The following PCDH19 variants were observed in gnomAD, a reference collection of about 807,000 sequenced individuals.
PCDH19 encodes protocadherin-19.
Under a neutral mutation model 46.2 loss-of-function variants are expected in PCDH19, and 6 were observed. That is an observed-to-expected ratio of 0.13 (90% CI 0.07 to 0.26). The LOEUF (loss-of-function observed/expected upper bound fraction) is 0.26, where lower values mean the gene tolerates loss of function less well. Ranked by LOEUF, PCDH19 falls within the 10% of genes least tolerant of loss-of-function variation. The pLI is 1.00. For synonymous variants in PCDH19, 481 were observed against 415.7 expected, an observed-to-expected ratio of 1.16 and a Z score of -1.91; for missense variants, 740 against 972.3, an observed-to-expected ratio of 0.76 and a Z score of 3.18.
At chrX:100,331,779 A>C (rs1925878485) in intron 5 of PCDH19, among the ~76,000 whole-genome samples, 1 of 111,569 alleles carries the variant, frequency 9.0e-6, no homozygotes. Context: ...CTTTGTGAAG[A>C]AAGTACCTGC....
Position 100,292,483 on chromosome X carries a change from CACA to C in PCDH19, c.*3791_*3793del, listed in dbSNP as rs1238190240. ...CCTATTTGAAATTAATTCACTTTTG[CACA>C]ACAAGTGACCCACAAGCCAATTCCA... is the stretch of plus-strand genomic sequence containing the variant. On this transcript the variant is annotated 3_prime_UTR_variant, in exon 6 of 6. Transcript: ENST00000373034. 3 of 112,374 alleles carry C rather than the reference CACA, an allele frequency of 2.7e-5. No homozygotes were observed. The highest frequency in any genetic ancestry group is 6.5e-5 in the African/African-American group (2 of 30,898). The allele number at this position is 112,374 out of a possible 1,213,427, so 9.3% of individuals were successfully genotyped here. A position where few individuals can be genotyped will look rare whatever the true frequency, so the allele number is the denominator to read the frequency against.
intron 3 of PCDH19, among the ~76,000 whole-genome samples, chrX:100,375,169 G>A (rs1357824972): frequency 1.8e-5 from 2 of 111,189 alleles, no homozygotes; most frequent in Non-Finnish European, 3.8e-5. Context: ...TGTGCACAAC[G>A]TGCAGGTTAC....
At chrX:100,312,584 ACAAATT>A (rs2147459680) in intron 5 of PCDH19, among the ~76,000 whole-genome samples, 1 of 112,063 alleles carries the variant, frequency 8.9e-6, no homozygotes, top group South Asian at 3.8e-4. Flanking sequence ...AAACAATTAC[ACAAATT>A]CAGAAGAAAG....
chrX:100,352,433 T>G (rs1178546049), intron 3 of PCDH19, among the ~76,000 whole-genome samples: 4 of 112,514 alleles, frequency 3.6e-5, no homozygotes, highest in Non-Finnish European at 7.5e-5. Flanking sequence ...AATATATAAT[T>G]TAACAAGTGG....
chrX:100,322,296 T>C (rs1329094985), intron 5 of PCDH19, among the ~76,000 whole-genome samples: 1 of 111,468 alleles, frequency 9.0e-6, no homozygotes, highest in Non-Finnish European at 1.9e-5. Context: ...GGCTAGCCAA[T>C]TATCCCAGCA....
At chrX:100,373,385 GAAC>G (rs1432278191) in intron 3 of PCDH19, among the ~76,000 whole-genome samples, 1 of 112,808 alleles carries the variant, frequency 8.9e-6, no homozygotes, top group African/African-American at 3.2e-5. Flanking sequence ...GTCCTTTTGT[GAAC>G]AACATTTACT....
At chrX:100,301,086 T>C (rs1316135124) in intron 5 of PCDH19, among the ~76,000 whole-genome samples, 1 of 111,562 alleles carries the variant, frequency 9.0e-6, no homozygotes, top group African/African-American at 3.3e-5. Context: ...CAATTACTAC[T>C]CTCCTCAGGA....
chrX:100,345,407 T>A (rs943315010), intron 4 of PCDH19, among the ~76,000 whole-genome samples: 1 of 111,626 alleles, frequency 9.0e-6, no homozygotes, highest in African/African-American at 3.3e-5. Flanking sequence ...CAAATGGCCA[T>A]CCTTCCTTTA....
chrX:100,299,601 C>A (rs774331172), intron 5 of PCDH19, among the ~76,000 whole-genome samples: 136 of 111,034 alleles, frequency 1.2e-3, no homozygotes, highest in African/African-American at 4.3e-3. Flanking sequence ...CTTGGAAGAC[C>A]AGAGCAGGGA....
At chrX:100,373,773 A>T (rs1927292946) in intron 3 of PCDH19, among the ~76,000 whole-genome samples, 2 of 112,711 alleles carry the variant, frequency 1.8e-5, no homozygotes, top group African/African-American at 6.4e-5. Context: ...TATACAATGA[A>T]CAGGCTGCAG....
intron 3 of PCDH19, among the ~76,000 whole-genome samples, chrX:100,388,229 T>C (rs1205239976): frequency 9.1e-6 from 1 of 109,965 alleles, no homozygotes; most frequent in Non-Finnish European, 1.9e-5. Context: ...CACACACACA[T>C]ACACGCACAT....
chrX:100,406,202 T>C (rs976941607), intron 1 of PCDH19, among the ~76,000 whole-genome samples: 1 of 111,844 alleles, frequency 8.9e-6, no homozygotes. Flanking sequence ...AAAATGATAA[T>C]TGCGTTTCTG....
rs57520956 is a variant in PCDH19 at position 100,322,865 on chromosome X, A to ATTTTTTTTT, written c.2848+19037_2848+19038insAAAAAAAAA. Among the ~76,000 whole-genome samples the ATTTTTTTTT allele has an allele frequency of 3.9e-3, 212 of 54,244 alleles. 2 individuals are homozygous for ATTTTTTTTT. Among genetic ancestry groups the ATTTTTTTTT allele is most frequent in the Non-Finnish European group, 5.0e-3 (151 of 30,068 alleles). 47.1% of individuals were successfully genotyped at this position (54,244 alleles called of 115,157 possible). ...TATATATATATATATATATATATAT[A>ATTTTTTTTT]TTTTTGCAGCTATTGTAAAAGGGGT... On this transcript the variant is annotated intron_variant, in intron 5 of 5. Transcript: ENST00000373034.
intron 3 of PCDH19, among the ~76,000 whole-genome samples, chrX:100,363,615 TTATATA>T (rs60968315): frequency 8.3e-4 from 74 of 89,570 alleles, no homozygotes; most frequent in African/African-American, 2.2e-3. Context: ...ATGGGAAGTT[TTATATA>T]TATATATATA....
Position 100,406,815 on chromosome X carries a change from A to T in PCDH19, c.1783T>A (p.Tyr595Asn). Residue 595 changes from tyrosine (Y) to asparagine (N), a missense_variant, in exon 1 of 6, where the codon TAC becomes AAC. Tyr to Asn is a moderately radical substitution (Grantham distance 143, BLOSUM62 -2). Coordinates refer to ENST00000373034, the MANE Select transcript of PCDH19 (RefSeq NM_001184880.2). ...ACTCGGCCATTTTCGCCCTCATCGTAGTCTTCTGCCTTGACAACAGTCACC... is the reference window on the plus strand; with the variant it reads ...ACTCGGCCATTTTCGCCCTCATCGTTGTCTTCTGCCTTGACAACAGTCACC... ...YLVTVVKAED[Y>N]DEGENGRVTY... is the part of the protein sequence containing the mutation. The T allele has an allele frequency of 8.3e-7, 1 of 1,211,644 alleles. No homozygotes were observed. The highest frequency in any genetic ancestry group is 1.1e-6 in the Non-Finnish European group (1 of 895,474).
At position 100,408,988 on chromosome X, in the gene PCDH19, G is replaced by A. The variant is rs1449210852; in HGVS notation, c.-391C>T. 8.8e-6 allele frequency: 1 copy of A among 113,179 alleles called. No individual in the cohort carries two copies. The highest frequency in any genetic ancestry group is 3.2e-5 in the African/African-American group (1 of 31,111). The allele number at this position is 113,179 out of a possible 1,213,427, so 9.3% of individuals were successfully genotyped here. On this transcript the variant is annotated 5_prime_UTR_variant, in exon 1 of 6. Coordinates refer to ENST00000373034, the MANE Select transcript of PCDH19 (RefSeq NM_001184880.2). ...CGCGGCCTGGAGGACGCACCGCTGA[G>A]TCCGGACAGTACTTGAGGCGAAGGT...
At chrX:100,361,140 A>G (rs1926869496) in intron 3 of PCDH19, among the ~76,000 whole-genome samples, 1 of 112,371 alleles carries the variant, frequency 8.9e-6, no homozygotes, top group Non-Finnish European at 1.9e-5. Flanking sequence ...CCAGAGTATT[A>G]GAAATCTGTA....
chrX:100,329,595 C>T (rs1925809279), intron 5 of PCDH19, among the ~76,000 whole-genome samples: 1 of 112,020 alleles, frequency 8.9e-6, no homozygotes, highest in South Asian at 3.7e-4. Context: ...CTCCAGAATA[C>T]AATGACTACT....
chrX:100,307,319 G>C (rs1057168440), intron 5 of PCDH19, among the ~76,000 whole-genome samples: 1 of 111,848 alleles, frequency 8.9e-6, no homozygotes, highest in African/African-American at 3.2e-5. Flanking sequence ...AATGGATTCA[G>C]ACAAAGCATT....
Sources: gnomAD v4.1 joint callset for allele counts (sites outside exome capture counted in the v4.1 genomes callset) on GRCh38, gnomAD v4.1.1 for gene constraint, MANE v1.5 for transcripts, NCBI Gene and HGNC (gene_info 2026-07-23, HGNC 2026-07-21) for gene names.